ZKSCAN8: variants seen among roughly 807,000 people sequenced by gnomAD.
The protein encoded by ZKSCAN8 is zinc finger protein with KRAB and SCAN domains 8.
In ZKSCAN8, 27 loss-of-function variants were observed where a neutral mutation model predicts 57.2. The observed-to-expected ratio is 0.47, with a 90% CI of 0.35 to 0.65. The LOEUF (loss-of-function observed/expected upper bound fraction) is 0.65. Among genes scored for constraint, ZKSCAN8 ranks in the 30% least tolerant of loss-of-function variants. The probability of loss-of-function intolerance (pLI) is 0.01; values close to 1 mark genes in which losing one functional copy is unlikely to be tolerated. For missense variants in ZKSCAN8, 597 were observed against 696.3 expected (o/e 0.86, Z 1.60); for synonymous variants, 214 against 248.7 (o/e 0.86, Z 1.31).
intron 5 of ZKSCAN8, 106 bp from the exon 6 acceptor site, chr6:28,152,950 T>C (rs1765641863): frequency 6.8e-7 from 1 of 1,480,110 alleles, no homozygotes; most frequent in Admixed American, 2.2e-5. Flanking sequence ...TACTTATAGC[T>C]GTTCATGTGT....
At position 28,148,579 on chromosome 6, in the gene ZKSCAN8, C is replaced by T. The variant is rs755669536; in HGVS notation, c.172C>T (p.Arg58Cys). ...GTTCCGCCTGCGCTTCAGGCAGTTA[C>T]GCTACCAGGAGACACTAGGACCCCG... ...EVFRLRFRQL[R>C]YQETLGPREA... The change falls in exon 2 of 6, where the codon CGC becomes TGC. Residue 58 changes from arginine (R) to cysteine (C), a missense_variant. Transcript: ENST00000330236. 1.7e-5 allele frequency: 27 copies of T among 1,614,048 alleles called. No individual in the cohort carries two copies. Among genetic ancestry groups the T allele is most frequent in the Admixed American group, 5.0e-5 (3 of 60,000 alleles).
Position 28,151,930 on chromosome 6 carries a change from G to A in ZKSCAN8, c.645G>A (p.Gly215=), listed in dbSNP as rs1431272983. Residue 215 remains glycine, a synonymous_variant, in exon 4 of 6, where the codon GGG becomes GGA. Transcript: ENST00000330236. The part of the protein sequence containing the change: ...QEMTATLLTA[G]FQTLEKIEDM... ...TGACAGCTACACTTCTCACAGCAGG[G>A]TTCCAGGTGAGTTGTGCTCCTTCTC... The A allele has an allele frequency of 1.4e-5, 22 of 1,613,974 alleles. No homozygotes were observed. In the South Asian group the frequency reaches 2.2e-4, roughly 16 times the overall value.
In ZKSCAN8 at chr6:28,148,655, A is replaced by G. The variant is rs778079466; in HGVS notation, c.248A>G (p.Asp83Gly). 6 of 1,613,960 alleles carry G rather than the reference A, an allele frequency of 3.7e-6. No homozygotes were observed. Among genetic ancestry groups the G allele is most frequent in the South Asian group, 1.1e-5 (1 of 91,082 alleles). ...CTTTGCCATCAGTGGCTGAGGCCAGATTTGAACACCAAGGAACAGATCCTG... is the reference window on the plus strand; with the variant it reads ...CTTTGCCATCAGTGGCTGAGGCCAGGTTTGAACACCAAGGAACAGATCCTG... ...RALCHQWLRP[D>G]LNTKEQILEL... The change falls in exon 2 of 6, where the codon GAT becomes GGT. Residue 83 changes from aspartate to glycine, a missense_variant. By Grantham distance (94) the Asp-to-Gly change is moderately conservative (BLOSUM62 -1). Coordinates refer to ENST00000330236, the MANE Select transcript of ZKSCAN8 (RefSeq NM_006298.4).
chr6:28,146,330 G>A (rs1765393684), intron 1 of ZKSCAN8, among the ~76,000 whole-genome samples: 1 of 152,166 alleles, frequency 6.6e-6, no homozygotes, highest in Non-Finnish European at 1.5e-5. Context: ...TAACATTAAA[G>A]CAATACACAT....
rs745755465 is a variant in ZKSCAN8, at chr6:28,153,065, C to G, written c.785C>G (p.Thr262Ser). ...FRNMFSLGGETRSENRELASK... is the reference protein window; with the variant it reads ...FRNMFSLGGESRSENRELASK... ...TACATTTTTATTTCAGGTGGTGAGA[C>G]CAGGAGTGAGAACAGGGAATTAGCT... is the stretch of plus-strand genomic sequence containing the variant. Residue 262 changes from threonine (T) to serine (S), a missense_variant, in exon 6 of 6, where the codon ACC becomes AGC. Thr to Ser is a moderately conservative substitution (Grantham distance 58). Transcript: ENST00000330236. 1 of 1,613,794 alleles carries G rather than the reference C, an allele frequency of 6.2e-7. No homozygotes were observed. Among genetic ancestry groups the G allele is most frequent in the East Asian group, 2.2e-5 (1 of 44,876 alleles).
In ZKSCAN8 at chr6:28,155,976, T is replaced by G. The variant is rs776921487; in HGVS notation, c.*1959T>G. ...TATTTATAAGTTACCATTCCTAGTT[T>G]CTTTGTACTTGAAATTTTAAGAAAC... On this transcript the variant is annotated 3_prime_UTR_variant, in exon 6 of 6. Transcript: ENST00000330236. The G allele has an allele frequency of 4.8e-5, 19 of 395,744 alleles. No individual in the cohort carries two copies. The highest frequency in any genetic ancestry group is 7.1e-5 in the Non-Finnish European group (16 of 224,656). 24.5% of individuals were successfully genotyped at this position (395,744 alleles called of 1,614,324 possible). A position where few individuals can be genotyped will look rare whatever the true frequency, so the allele number is the denominator to read the frequency against.
chr6:28,151,835 C>A lies in ZKSCAN8; in HGVS notation c.560-10C>A. The A allele has an allele frequency of 6.2e-7, 1 of 1,612,590 alleles. No homozygotes were observed. Among genetic ancestry groups the A allele is most frequent in the South Asian group, 1.1e-5 (1 of 91,054 alleles). ...GACTGGTCTCATTCATAGCTCCTTT[C>A]TCCTCTCAGCCATGTCTACTTCCCA... On this transcript the variant is annotated splice_polypyrimidine_tract_variant and intron_variant, in intron 3 of 5. Coordinates refer to ENST00000330236, the MANE Select transcript of ZKSCAN8 (RefSeq NM_006298.4).
chr6:28,157,989 T>C lies in ZKSCAN8; in HGVS notation c.*3972T>C, dbSNP rs933085202. The C allele has an allele frequency of 6.6e-6, 1 of 152,198 alleles. No individual in the cohort carries two copies. The highest frequency in any genetic ancestry group is 1.5e-5 in the Non-Finnish European group (1 of 68,030). 9.4% of individuals were successfully genotyped at this position (152,198 alleles called of 1,614,324 possible). A position where few individuals can be genotyped will look rare whatever the true frequency, so the allele number is the denominator to read the frequency against. On this transcript the variant is annotated 3_prime_UTR_variant, in exon 6 of 6. Coordinates refer to ENST00000330236, the MANE Select transcript of ZKSCAN8 (RefSeq NM_006298.4). ...TCTATTGTTCATGGTTTTTCAAACA[T>C]ATCTTTGATTTTTCAACCCCCCTTT...
intron 3 of ZKSCAN8, among the ~76,000 whole-genome samples, chr6:28,150,769 GTATT>G (rs1395172068): frequency 1.3e-5 from 2 of 152,018 alleles, no homozygotes; most frequent in African/African-American, 4.8e-5. Flanking sequence ...ACTCAAATTC[GTATT>G]TATTCCATAA....
At position 28,156,475 on chromosome 6, in the gene ZKSCAN8, A is replaced by G. The variant is rs1261746742; in HGVS notation, c.*2458A>G. The G allele has an allele frequency of 5.8e-6, 2 of 342,716 alleles. No individual in the cohort carries two copies. Among genetic ancestry groups the G allele is most frequent in the Non-Finnish European group, 1.0e-5 (2 of 190,894 alleles). 21.2% of individuals were successfully genotyped at this position (342,716 alleles called of 1,614,324 possible). On this transcript the variant is annotated 3_prime_UTR_variant, in exon 6 of 6. Transcript: ENST00000330236. Reference sequence around the variant, plus strand: ...AGTGTTATATTGGGTGTGAGAAAAGACTGTGTCTTGAAAGAATTATCAAAG... The same window carrying G: ...AGTGTTATATTGGGTGTGAGAAAAGGCTGTGTCTTGAAAGAATTATCAAAG...
intron 3 of ZKSCAN8, among the ~76,000 whole-genome samples, 200 bp downstream of exon 3, chr6:28,149,824 CT>C (rs200182974): frequency 0.026 from 3,737 of 144,906 alleles, 94 homozygotes; most frequent in African/African-American, 0.071. Context: ...AATAATTTGA[CT>C]TTTTTTTTTT....
chr6:28,147,060 G>A (rs977515303), intron 1 of ZKSCAN8, among the ~76,000 whole-genome samples: 4 of 151,930 alleles, frequency 2.6e-5, no homozygotes, highest in Non-Finnish European at 5.9e-5. Context: ...TTAAAAAAAT[G>A]AACTTTTTTT....
chr6:28,147,814 A>G (rs1437980360), intron 1 of ZKSCAN8, among the ~76,000 whole-genome samples: 1 of 141,396 alleles, frequency 7.1e-6, no homozygotes, highest in Non-Finnish European at 1.6e-5. Flanking sequence ...GGGCACAGGT[A>G]GGATAAGGAA....
chr6:28,141,679 G>C (rs1306256475), upstream of ZKSCAN8, among the ~76,000 whole-genome samples: 1 of 152,226 alleles, frequency 6.6e-6, no homozygotes, highest in Non-Finnish European at 1.5e-5. Flanking sequence ...ACCAAGGTCC[G>C]TTATTCCCCA....
At chr6:28,150,573 C>T (rs1163644654) in intron 3 of ZKSCAN8, among the ~76,000 whole-genome samples, 1 of 151,936 alleles carries the variant, frequency 6.6e-6, no homozygotes, top group African/African-American at 2.4e-5. Flanking sequence ...ATATCTTAGT[C>T]CTCATTAAAC....
At chr6:28,143,900 AAAAC>A (rs1053466152) in intron 1 of ZKSCAN8, among the ~76,000 whole-genome samples, 44 of 152,338 alleles carry the variant, frequency 2.9e-4, no homozygotes, top group African/African-American at 9.6e-4. Context: ...TATTCAAACA[AAAAC>A]AAATTGTCAA....
intron 1 of ZKSCAN8, among the ~76,000 whole-genome samples, chr6:28,145,019 T>C (rs940401813): frequency 6.6e-6 from 1 of 152,048 alleles, no homozygotes; most frequent in Non-Finnish European, 1.5e-5. Context: ...TTCGCGCCAC[T>C]GCACTCCAGC....
rs887707099 is a variant in ZKSCAN8, at chr6:28,154,357, ACTC to A, written c.*343_*345del. 2.1e-5 allele frequency: 4 copies of A among 193,784 alleles called. No homozygotes were observed. Among genetic ancestry groups the A allele is most frequent in the African/African-American group, 9.4e-5 (4 of 42,500 alleles). The allele number at this position is 193,784 out of a possible 1,614,324, so 12.0% of individuals were successfully genotyped here. A position where few individuals can be genotyped will look rare whatever the true frequency, so the allele number is the denominator to read the frequency against. The stretch of plus-strand genomic sequence containing the variant: ...GCTATAGGTTTGAGAGAGGCTGGCT[ACTC>A]CTAGTTCCTGTGCTTCTTCCCATCT... On this transcript the variant is annotated 3_prime_UTR_variant, in exon 6 of 6. Coordinates refer to ENST00000330236, the MANE Select transcript of ZKSCAN8 (RefSeq NM_006298.4).
rs563489252 is a variant in ZKSCAN8, at chr6:28,158,659, A to G, written c.*4642A>G. On this transcript the variant is annotated 3_prime_UTR_variant, in exon 6 of 6. Transcript: ENST00000330236. ...CTTGATCTCCCATTTCTCTCATCCC[A>G]TTATAGCTTTTCATGTAGATCTGAG... 1 of 152,148 alleles carries G rather than the reference A, an allele frequency of 6.6e-6. No individual in the cohort carries two copies. The highest frequency in any genetic ancestry group is 2.4e-5 in the African/African-American group (1 of 41,514). 9.4% of individuals were successfully genotyped at this position (152,148 alleles called of 1,614,324 possible).
Sources: gnomAD v4.1 joint callset for allele counts (sites outside exome capture counted in the v4.1 genomes callset) on GRCh38, gnomAD v4.1.1 for gene constraint, MANE v1.5 for transcripts, NCBI Gene and HGNC (gene_info 2026-07-23, HGNC 2026-07-21) for gene names.